The following CEP85L variants were observed in gnomAD, a reference collection of about 807,000 sequenced individuals.
CEP85L encodes centrosomal protein of 85 kDa-like.
Under a neutral mutation model 100.3 loss-of-function variants are expected in CEP85L, and 60 were observed. That is an observed-to-expected ratio of 0.60 (90% CI 0.49 to 0.74). The LOEUF (loss-of-function observed/expected upper bound fraction) is 0.74, where lower values mean the gene tolerates loss of function less well. CEP85L is among the 30% of genes least tolerant of loss of function. CEP85L has a pLI of 0.00. For synonymous variants in CEP85L, 319 were observed against 322.7 expected (o/e 0.99, Z 0.12); for missense variants, 973 against 936.2 (o/e 1.04, Z -0.51).
intron 1 of CEP85L, among the ~76,000 whole-genome samples, chr6:118,676,494 C>A (rs1562353935): frequency 6.6e-6 from 1 of 152,206 alleles, no homozygotes; most frequent in Non-Finnish European, 1.5e-5. Flanking sequence ...CAGGTATAAA[C>A]CTGCATATTG....
chr6:118,590,403 G>A (rs563876074), intron 2 of CEP85L, among the ~76,000 whole-genome samples: 3 of 152,198 alleles, frequency 2.0e-5, no homozygotes, highest in African/African-American at 4.8e-5. Context: ...TCAATACAGC[G>A]ATTCCTGCCT....
At chr6:118,558,626 TACACACAC>T (rs371775061) in intron 3 of CEP85L, among the ~76,000 whole-genome samples, 2,261 of 111,594 alleles carry the variant, frequency 0.02, 23 homozygotes, top group Non-Finnish European at 0.025. Context: ...CACGTGCACA[TACACACAC>T]ACACACACAC....
intron 4 of CEP85L, among the ~76,000 whole-genome samples, chr6:118,512,022 T>G (rs1776002009): frequency 6.6e-6 from 1 of 150,770 alleles, no homozygotes; most frequent in Non-Finnish European, 1.5e-5. Context: ...CAGGGACTAG[T>G]TTTGCCCTCA....
chr6:118,468,995 A>T (rs1046477578), intron 12 of CEP85L, 77 bp downstream of exon 12: 1 of 922,848 alleles, frequency 1.1e-6, no homozygotes, highest in East Asian at 2.5e-5. Flanking sequence ...AACAGAGAAA[A>T]GGCAGTCGGA....
At chr6:118,580,482 G>C (rs1780508869) in intron 2 of CEP85L, among the ~76,000 whole-genome samples, 1 of 152,174 alleles carries the variant, frequency 6.6e-6, no homozygotes, top group Non-Finnish European at 1.5e-5. Context: ...TCTGTCTGCT[G>C]GTTAGCTACA....
intron 10 of CEP85L, among the ~76,000 whole-genome samples, chr6:118,474,388 G>GC (rs1195657993): frequency 6.6e-6 from 1 of 152,190 alleles, no homozygotes; most frequent in Non-Finnish European, 1.5e-5. Flanking sequence ...ACCCTAGTTA[G>GC]ACAGTTCTCT....
At chr6:118,558,690 G>A (rs1032440853) in intron 3 of CEP85L, 1 of 544,428 alleles carries the variant, frequency 1.8e-6, no homozygotes, top group Non-Finnish European at 3.3e-6. Context: ...GAGAGAGAGG[G>A]AGAGAGACTA....
At position 118,566,058 on chromosome 6, in the gene CEP85L, G is replaced by T. The variant is rs769734024; in HGVS notation, c.491C>A (p.Ala164Asp). ...GCCACCCTGGCCACAGTTATCCGGGGCAGTGAGTTTGGATAAAGATGACCA... is the reference window on the plus strand; with the variant it reads ...GCCACCCTGGCCACAGTTATCCGGGTCAGTGAGTTTGGATAAAGATGACCA... ...RKWSSLSKLT[A>D]PDNCGQGGTV... Residue 164 changes from alanine to aspartate, a missense_variant, in exon 3 of 13, where the codon GCC (alanine) becomes GAC (aspartate). This residue lies in a region of CEP85L where 890 missense variants were observed against 844.5 expected (regional missense o/e 1.05). Coordinates refer to ENST00000368491, the MANE Select transcript of CEP85L (RefSeq NM_001042475.3). 2.5e-6 allele frequency: 4 copies of T among 1,614,038 alleles called. No homozygotes were observed. The East Asian group carries it at 6.7e-5, about 27-fold the overall frequency.
chr6:118,485,950 G>A (rs913405492), intron 6 of CEP85L, among the ~76,000 whole-genome samples: 4 of 152,160 alleles, frequency 2.6e-5, no homozygotes, highest in African/African-American at 4.8e-5. Context: ...GCAATGACTG[G>A]AATAGGTCTG....
chr6:118,676,372 T>C (rs1776483529), intron 1 of CEP85L, among the ~76,000 whole-genome samples: 1 of 152,190 alleles, frequency 6.6e-6, no homozygotes, highest in Non-Finnish European at 1.5e-5. Flanking sequence ...GTAAGCACCG[T>C]TCCACTTTCT....
At chr6:118,466,533 G>GT (rs1254839871) in intron 12 of CEP85L, among the ~76,000 whole-genome samples, 1 of 152,172 alleles carries the variant, frequency 6.6e-6, no homozygotes, top group East Asian at 1.9e-4. Flanking sequence ...AACTGGAGAG[G>GT]TAACAGTTGC....
At chr6:118,705,855 C>G (rs989094169) in intron 1 of CEP85L, among the ~76,000 whole-genome samples, 1 of 152,208 alleles carries the variant, frequency 6.6e-6, no homozygotes. Flanking sequence ...GAAAAAAAAT[C>G]TTTTCACCCT....
chr6:118,567,623 G>C (rs1175285123), intron 2 of CEP85L, among the ~76,000 whole-genome samples: 1 of 152,248 alleles, frequency 6.6e-6, no homozygotes, highest in East Asian at 1.9e-4. Context: ...TGGGGAGGAA[G>C]TAAGCGATGG....
At chr6:118,528,332 T>C (rs374965459) in intron 3 of CEP85L, among the ~76,000 whole-genome samples, 31 of 152,142 alleles carry the variant, frequency 2.0e-4, no homozygotes, top group Admixed American at 5.2e-4. Context: ...CTTTGAACCA[T>C]TGGCAGGATG....
rs187300374 is a variant in CEP85L, at chr6:118,580,928, C to A, written c.233-14612G>T. ...GGGACAGTGAGCCTCTCTCTCTCAG[C>A]CCCTTGGTCTGGAGAGCACACGGCA... On this transcript the variant is annotated intron_variant, in intron 2 of 12. Transcript: ENST00000368491. Among the ~76,000 whole-genome samples the A allele has an allele frequency of 4.6e-5, 7 of 152,326 alleles. No homozygotes were observed. In the East Asian group the frequency reaches 7.7e-4, roughly 17 times the overall value.
intron 2 of CEP85L, among the ~76,000 whole-genome samples, chr6:118,566,593 A>G (rs1251747133): frequency 1.3e-5 from 2 of 151,864 alleles, no homozygotes; most frequent in Non-Finnish European, 2.9e-5. Context: ...AATTTTTTGT[A>G]TTTTTAGTAG....
chr6:118,558,975 T>G, intron 3 of CEP85L: 5 of 1,613,028 alleles, frequency 3.1e-6, no homozygotes, highest in Non-Finnish European at 4.2e-6. Flanking sequence ...CCTCAACCAT[T>G]GAAATGCCTC....
intron 4 of CEP85L, among the ~76,000 whole-genome samples, chr6:118,519,572 GTGTGTGTGT>G (rs1776529815): frequency 7.6e-5 from 1 of 13,120 alleles, no homozygotes; most frequent in East Asian, 2.2e-3. Flanking sequence ...GTGTGTGTGT[GTGTGTGTGT>G]GGCGGGGGGG....
At chr6:118,515,885 G>T (rs927243019) in intron 4 of CEP85L, among the ~76,000 whole-genome samples, 1 of 152,102 alleles carries the variant, frequency 6.6e-6, no homozygotes, top group African/African-American at 2.4e-5. Flanking sequence ...TTCTCCGAAT[G>T]CTATCCCTCC....
Sources: gnomAD v4.1 joint callset for allele counts (sites outside exome capture counted in the v4.1 genomes callset) on GRCh38, gnomAD v4.1.1 for gene constraint, gnomAD v4.1.1 regional missense constraint, MANE v1.5 for transcripts, NCBI Gene and HGNC (gene_info 2026-07-23, HGNC 2026-07-21) for gene names.